VPS13B: variants seen among roughly 807,000 people sequenced by gnomAD.
VPS13B encodes intermembrane lipid transfer protein VPS13B.
In VPS13B, 285 loss-of-function variants were observed where a neutral mutation model predicts 426.4. The ratio of observed to expected loss-of-function variants is 0.67; its 90% CI spans 0.61 to 0.74. The LOEUF (loss-of-function observed/expected upper bound fraction) is 0.74. VPS13B is among the 30% of genes least tolerant of loss of function. The pLI is 0.00. For missense variants in VPS13B, 4,537 were observed against 4,782.6 expected (o/e 0.95, Z 1.51); for synonymous variants, 1,676 against 1,676.4 (o/e 1.00, Z 0.01).
rs746691768 is a variant in VPS13B, at chr8:99,717,280, T to C, written c.6564T>C (p.Asn2188=). The C allele has an allele frequency of 2.3e-5, 37 of 1,613,932 alleles. No individual in the cohort carries two copies. The South Asian group carries it at 3.7e-4, about 16-fold the overall frequency. ...TAGGACCATGTTGTGCTACTGCCAA[T>C]CTGGAAGCTAAGTGGTGTAAACACA... ...ILIGPCCATA[N]LEAKWCKHSG... Residue 2188 remains asparagine (N), a synonymous_variant, in exon 37 of 62, where the codon AAT becomes AAC. Coordinates refer to ENST00000357162, the MANE Select transcript of VPS13B (RefSeq NM_152564.5).
chr8:99,758,767 C>A (rs1810766521), intron 39 of VPS13B, among the ~76,000 whole-genome samples: 1 of 152,074 alleles, frequency 6.6e-6, no homozygotes, highest in South Asian at 2.1e-4. Context: ...TCCACTTTGC[C>A]CTCTGGATCA....
intron 2 of VPS13B, among the ~76,000 whole-genome samples, chr8:99,025,198 T>C (rs1157283844): frequency 6.6e-6 from 1 of 152,210 alleles, no homozygotes; most frequent in Non-Finnish European, 1.5e-5. Context: ...TTTAGGTATT[T>C]CTGCATATGA....
intron 19 of VPS13B, among the ~76,000 whole-genome samples, chr8:99,366,760 A>G (rs1323181704): frequency 6.6e-6 from 1 of 151,068 alleles, no homozygotes; most frequent in Non-Finnish European, 1.5e-5. Context: ...TATCTGTTGT[A>G]TGTTTTTTGA....
At chr8:99,805,440 T>C (rs1250405443) in intron 43 of VPS13B, among the ~76,000 whole-genome samples, 2 of 152,224 alleles carry the variant, frequency 1.3e-5, no homozygotes, top group Non-Finnish European at 2.9e-5. Context: ...TCTTCTTTGG[T>C]GTACTCTGTT....
chr8:99,857,051 G>A (rs886738694), intron 56 of VPS13B, among the ~76,000 whole-genome samples: 1 of 152,132 alleles, frequency 6.6e-6, no homozygotes, highest in Admixed American at 6.5e-5. Flanking sequence ...ATTTCCAAAC[G>A]ACTGAGCAAA....
chr8:99,045,565 C>G (rs1843195273), intron 3 of VPS13B, among the ~76,000 whole-genome samples: 1 of 152,032 alleles, frequency 6.6e-6, no homozygotes, highest in Non-Finnish European at 1.5e-5. Context: ...AATTAAGTCC[C>G]AGCTATTTGT....
intron 25 of VPS13B, among the ~76,000 whole-genome samples, chr8:99,487,456 C>T (rs1203578457): frequency 6.6e-6 from 1 of 152,092 alleles, no homozygotes; most frequent in Non-Finnish European, 1.5e-5. Context: ...AAAAAATATA[C>T]ATGGTAAAAT....
At chr8:99,494,032 G>T (rs1289595073) in intron 25 of VPS13B, among the ~76,000 whole-genome samples, 1 of 151,958 alleles carries the variant, frequency 6.6e-6, no homozygotes, top group African/African-American at 2.4e-5. Context: ...CCCAATTTAT[G>T]TCAAGTAAAA....
At chr8:99,721,489 C>T (rs557965395) in intron 39 of VPS13B, among the ~76,000 whole-genome samples, 11 of 152,222 alleles carry the variant, frequency 7.2e-5, no homozygotes, top group African/African-American at 2.6e-4. Context: ...TTGAGGTAGG[C>T]TGATTTTTCT....
intron 43 of VPS13B, among the ~76,000 whole-genome samples, chr8:99,795,362 C>T (rs779200553): frequency 2.0e-5 from 3 of 152,168 alleles, no homozygotes; most frequent in Non-Finnish European, 4.4e-5. Flanking sequence ...AGGGCCATCA[C>T]GTTTCTATTA....
chr8:99,252,726 A>T (rs112482995), intron 17 of VPS13B, among the ~76,000 whole-genome samples: 190 of 152,130 alleles, frequency 1.2e-3, no homozygotes, highest in African/African-American at 4.4e-3. Flanking sequence ...ACATATTTCA[A>T]ATTGCTGTGT....
chr8:99,649,233 T>G (rs993343513), intron 34 of VPS13B, among the ~76,000 whole-genome samples: 3 of 152,172 alleles, frequency 2.0e-5, no homozygotes, highest in Non-Finnish European at 4.4e-5. Context: ...TTCTCTGATC[T>G]TCTTGACTGT....
chr8:99,577,476 C>A lies in VPS13B; in HGVS notation c.5077-14C>A. The A allele has an allele frequency of 6.2e-7, 1 of 1,613,400 alleles. No homozygotes were observed. Among genetic ancestry groups the A allele is most frequent in the Non-Finnish European group, 8.5e-7 (1 of 1,179,508 alleles). On this transcript the variant is annotated splice_polypyrimidine_tract_variant and intron_variant, in intron 32 of 61. Transcript: ENST00000357162. ...TCATGTTTCTTTATCTGTATTCTAC[C>A]GTTTTTGCTTCAGGAGATTTTAGTG...
At chr8:99,139,729 G>A (rs1480194234) in intron 12 of VPS13B, among the ~76,000 whole-genome samples, 1 of 151,856 alleles carries the variant, frequency 6.6e-6, no homozygotes, top group Non-Finnish European at 1.5e-5. Flanking sequence ...GAGCCACTGC[G>A]CCCGGCCCTC....
intron 32 of VPS13B, 136 bp from the exon 33 acceptor site, chr8:99,577,354 G>T: frequency 3.6e-6 from 4 of 1,122,016 alleles, no homozygotes; most frequent in Middle Eastern, 2.2e-4. Context: ...CACCATTTTT[G>T]CTCTTCTCCT....
intron 19 of VPS13B, among the ~76,000 whole-genome samples, chr8:99,279,227 A>G (rs1245863444): frequency 6.6e-6 from 1 of 152,154 alleles, no homozygotes; most frequent in East Asian, 1.9e-4. Context: ...GACAGAACGC[A>G]ACCCTGTCTC....
intron 23 of VPS13B, among the ~76,000 whole-genome samples, chr8:99,458,072 C>A (rs1259863221): frequency 5.4e-5 from 8 of 149,496 alleles, no homozygotes; most frequent in African/African-American, 1.5e-4. Flanking sequence ...CCCCCTCCCC[C>A]CAACCCCACA....
At chr8:99,369,207 T>C (rs1444979442) in intron 19 of VPS13B, among the ~76,000 whole-genome samples, 1 of 152,200 alleles carries the variant, frequency 6.6e-6, no homozygotes, top group East Asian at 1.9e-4. Flanking sequence ...TTTTCCTTTA[T>C]TCATCTTTGA....
chr8:99,491,653 C>T (rs1442939263), intron 25 of VPS13B, among the ~76,000 whole-genome samples: 3 of 152,174 alleles, frequency 2.0e-5, no homozygotes, highest in Middle Eastern at 3.4e-3. Context: ...TTGATTGAAA[C>T]GACTATTGAA....
Sources: allele counts gnomAD v4.1 joint callset (sites outside exome capture counted in the v4.1 genomes callset), GRCh38; gene constraint gnomAD v4.1.1; transcripts MANE v1.5; gene names NCBI Gene and HGNC (gene_info 2026-07-23, HGNC 2026-07-21).